The following SDK1 variants were observed in gnomAD, a reference collection of about 807,000 sequenced individuals.
SDK1 encodes protein sidekick-1.
Under a neutral mutation model 245.5 loss-of-function variants are expected in SDK1, and 157 were observed. That is an observed-to-expected ratio of 0.64 (90% CI 0.56 to 0.73). The LOEUF (loss-of-function observed/expected upper bound fraction) is 0.73, where lower values mean the gene tolerates loss of function less well. Among genes scored for constraint, SDK1 ranks in the 30% least tolerant of loss-of-function variants. The probability of loss-of-function intolerance (pLI) is 0.00; values close to 1 mark genes in which losing one functional copy is unlikely to be tolerated. For synonymous variants in SDK1, 1,647 were observed against 1,278.5 expected, an observed-to-expected ratio of 1.29 and a Z score of -6.15; for missense variants, 3,583 against 3,002.3, an observed-to-expected ratio of 1.19 and a Z score of -4.52.
At chr7:4,117,662 T>C (rs1372535353) in intron 25 of SDK1, among the ~76,000 whole-genome samples, 2 of 152,118 alleles carry the variant, frequency 1.3e-5, no homozygotes, top group African/African-American at 2.4e-5. Context: ...GTAAGGAGTC[T>C]GCACCCTGGT....
rs140822131 is a variant in SDK1 at position 4,146,632 on chromosome 7, C to T, written c.4423+716C>T. On this transcript the variant is annotated intron_variant, in intron 29 of 44. Transcript: ENST00000404826. ...GAGTCACCACATTTGAGGTTGAGCTCCCCGAAAGCAGCCCCCAGTCTCTGA... is the reference window on the plus strand; with the variant it reads ...GAGTCACCACATTTGAGGTTGAGCTTCCCGAAAGCAGCCCCCAGTCTCTGA... Among the ~76,000 whole-genome samples the T allele has an allele frequency of 8.7e-3, 1,325 of 152,342 alleles. 8 individuals carry two copies. Among genetic ancestry groups the T allele is most frequent in the Non-Finnish European group, 0.014 (944 of 68,022 alleles).
intron 38 of SDK1, among the ~76,000 whole-genome samples, chr7:4,218,107 A>G (rs770630612): frequency 1.2e-4 from 19 of 152,208 alleles, no homozygotes; most frequent in Non-Finnish European, 2.6e-4. Context: ...GTCACCCAAA[A>G]GTAGCCAAAA....
At chr7:3,633,768 T>C (rs1396277354) in intron 2 of SDK1, among the ~76,000 whole-genome samples, 1 of 152,138 alleles carries the variant, frequency 6.6e-6, no homozygotes, top group Admixed American at 6.5e-5. Context: ...GAAACCAACT[T>C]TCTCTTGTGT....
At chr7:3,403,903 A>G (rs1291112406) in intron 1 of SDK1, among the ~76,000 whole-genome samples, 1 of 131,492 alleles carries the variant, frequency 7.6e-6, no homozygotes, top group African/African-American at 2.8e-5. Flanking sequence ...ATATATATTT[A>G]TTTATTCCAT....
chr7:4,011,155 G>A (rs1005249402), intron 15 of SDK1, 42 bp downstream of exon 15: 1 of 1,601,726 alleles, frequency 6.2e-7, no homozygotes, highest in Admixed American at 1.7e-5. Context: ...GAACAGCCGG[G>A]GGCCTGAATG....
chr7:3,796,459 C>T (rs776480593), intron 4 of SDK1, among the ~76,000 whole-genome samples: 25 of 152,176 alleles, frequency 1.6e-4, no homozygotes, highest in African/African-American at 4.1e-4. Flanking sequence ...AAGGGCAGGG[C>T]GACCCCTGCA....
intron 40 of SDK1, among the ~76,000 whole-genome samples, chr7:4,229,147 T>C (rs910150843): frequency 1.3e-5 from 2 of 152,254 alleles, no homozygotes; most frequent in Non-Finnish European, 2.9e-5. Context: ...CATTGATTTA[T>C]TGAGATATTT....
At chr7:4,255,482 G>A (rs374062532) in intron 44 of SDK1, among the ~76,000 whole-genome samples, 3 of 152,176 alleles carry the variant, frequency 2.0e-5, no homozygotes, top group African/African-American at 4.8e-5. Flanking sequence ...TCCTCCCAGC[G>A]TGGGACTTCT....
chr7:3,756,462 C>T (rs1779935737), intron 4 of SDK1, among the ~76,000 whole-genome samples: 1 of 151,198 alleles, frequency 6.6e-6, no homozygotes, highest in African/African-American at 2.4e-5. Flanking sequence ...ACATGTATAT[C>T]GTTGTTTTAA....
chr7:4,111,546 G>A (rs1358753527), intron 23 of SDK1, among the ~76,000 whole-genome samples: 1 of 151,784 alleles, frequency 6.6e-6, no homozygotes, highest in Non-Finnish European at 1.5e-5. Flanking sequence ...AAAACAATGA[G>A]AGATGCTATT....
chr7:3,795,360 C>A (rs1203810200), intron 4 of SDK1, among the ~76,000 whole-genome samples: 1 of 152,092 alleles, frequency 6.6e-6, no homozygotes, highest in African/African-American at 2.4e-5. Flanking sequence ...TACACCCTGG[C>A]ACCTCCTGCA....
chr7:3,499,359 TG>T (rs1018839966), intron 1 of SDK1, among the ~76,000 whole-genome samples: 8 of 152,186 alleles, frequency 5.3e-5, no homozygotes, highest in African/African-American at 1.9e-4. Flanking sequence ...AGCCATTTTT[TG>T]TGTGTTTTTT....
chr7:3,762,280 G>C (rs1380587521), intron 4 of SDK1, among the ~76,000 whole-genome samples: 1 of 152,172 alleles, frequency 6.6e-6, no homozygotes, highest in African/African-American at 2.4e-5. Context: ...GGGCATTTTT[G>C]GTGGTCCTGA....
chr7:4,223,720 A>T (rs1785262469), intron 40 of SDK1, among the ~76,000 whole-genome samples: 1 of 152,174 alleles, frequency 6.6e-6, no homozygotes. Flanking sequence ...ATTGGGAGGT[A>T]TTGGGGGTTC....
chr7:3,381,122 A>G (rs956338653), intron 1 of SDK1, among the ~76,000 whole-genome samples: 4 of 152,158 alleles, frequency 2.6e-5, no homozygotes, highest in African/African-American at 9.7e-5. Flanking sequence ...GGGGGAGTAT[A>G]CAGAGTAAGA....
intron 33 of SDK1, among the ~76,000 whole-genome samples, chr7:4,174,805 G>A (rs369211992): frequency 2.6e-5 from 4 of 152,114 alleles, no homozygotes; most frequent in South Asian, 2.1e-4. Flanking sequence ...CCTGCACTGC[G>A]CCATGATCGT....
chr7:3,648,436 C>T (rs1214233399), intron 4 of SDK1, among the ~76,000 whole-genome samples: 1 of 152,172 alleles, frequency 6.6e-6, no homozygotes, highest in African/African-American at 2.4e-5. Flanking sequence ...ATGTTTCAAA[C>T]CTTCAGTCAG....
intron 5 of SDK1, 29 bp downstream of exon 5, chr7:3,821,612 C>T (rs556017068): frequency 6.2e-7 from 1 of 1,607,324 alleles, no homozygotes; most frequent in Admixed American, 1.7e-5. Context: ...AATGGTAATT[C>T]TGCAAGCAAT....
chr7:4,054,970 T>C (rs1424827494), intron 19 of SDK1, among the ~76,000 whole-genome samples: 1 of 152,240 alleles, frequency 6.6e-6, no homozygotes, highest in Non-Finnish European at 1.5e-5. Context: ...TGTATAATTC[T>C]TTTCATATGC....
Sources: allele counts gnomAD v4.1 joint callset (sites outside exome capture counted in the v4.1 genomes callset), GRCh38; gene constraint gnomAD v4.1.1; transcripts MANE v1.5; gene names NCBI Gene and HGNC (gene_info 2026-07-23, HGNC 2026-07-21).